PI4KA: variants seen among roughly 807,000 people sequenced by gnomAD.
PI4KA encodes the protein PI4-kinase alpha.
A neutral mutation model predicts 271.4 loss-of-function variants in PI4KA; 122 were observed. The observed-to-expected ratio is 0.45, with a 90% confidence interval of 0.39 to 0.52. The LOEUF is 0.52. PI4KA is among the 20% of genes least tolerant of loss of function. The pLI is 0.00. For synonymous variants in PI4KA, 1,041 were observed against 1,078.8 expected, an observed-to-expected ratio of 0.96 and a Z score of 0.69; for missense variants, 1,969 against 2,769.1, an observed-to-expected ratio of 0.71 and a Z score of 6.48.
chr22:20,723,572 C>T (rs1015332285), intron 42 of PI4KA, among the ~76,000 whole-genome samples: 2 of 143,920 alleles, frequency 1.4e-5, no homozygotes, highest in African/African-American at 5.1e-5. Context: ...GGCTCACGCC[C>T]GTAATCCCAG....
intron 45 of PI4KA, among the ~76,000 whole-genome samples, chr22:20,714,958 G>T (rs1925790369): frequency 6.6e-6 from 1 of 152,172 alleles, no homozygotes; most frequent in Non-Finnish European, 1.5e-5. Context: ...CTTCCTGGAG[G>T]AGCACTGAGC....
chr22:20,727,432 C>T, intron 40 of PI4KA, 35 bp from the exon 41 acceptor site: 1 of 1,563,350 alleles, frequency 6.4e-7, no homozygotes, highest in Admixed American at 1.9e-5. Flanking sequence ...GTGGCTTGGG[C>T]AGTCCCGGGA....
intron 19 of PI4KA, among the ~76,000 whole-genome samples, chr22:20,771,352 G>A (rs1391177546): frequency 6.6e-6 from 1 of 151,672 alleles, no homozygotes; most frequent in African/African-American, 2.4e-5. Context: ...GAACCCAGGA[G>A]GCGGAGCTTG....
At chr22:20,828,061 T>C (rs544402001) in intron 3 of PI4KA, among the ~76,000 whole-genome samples, 1 of 152,310 alleles carries the variant, frequency 6.6e-6, no homozygotes, top group African/African-American at 2.4e-5. Flanking sequence ...CCCAAAGTGC[T>C]GGGATTACAG....
chr22:20,779,685 C>A, intron 19 of PI4KA: 1 of 1,614,160 alleles, frequency 6.2e-7, no homozygotes, highest in Non-Finnish European at 8.5e-7. Flanking sequence ...CCGGATCCAG[C>A]GTCTTAACAT....
intron 32 of PI4KA, among the ~76,000 whole-genome samples, chr22:20,738,656 TGGA>T (rs1471867813): frequency 6.6e-6 from 1 of 151,750 alleles, no homozygotes; most frequent in East Asian, 1.9e-4. Context: ...TGTGAGTGGG[TGGA>T]GAAGCCTGAC....
chr22:20,778,824 A>C lies in PI4KA; in HGVS notation c.2329-13131T>G, dbSNP rs184165047. On this transcript the variant is annotated intron_variant, in intron 19 of 54. Coordinates refer to ENST00000255882, the MANE Select transcript of PI4KA (RefSeq NM_058004.4). ...CTCCTACCACACAGGGTAGAGCCAC[A>C]CCCCTTTCCGTACCCCCATGTGCTC... Among the ~76,000 whole-genome samples the C allele has an allele frequency of 1.7e-3, 256 of 151,762 alleles. 2 individuals carry two copies. Among genetic ancestry groups the C allele is most frequent in the African/African-American group, 5.9e-3 (246 of 41,348 alleles).
At chr22:20,751,238 C>G in intron 27 of PI4KA, 55 bp downstream of exon 27, 1 of 1,405,004 alleles carries the variant, frequency 7.1e-7, no homozygotes, top group Non-Finnish European at 1.0e-6. Flanking sequence ...CGTGGAAATA[C>G]TCAGGGAATT....
At chr22:20,854,874 G>A (rs568601733) in intron 1 of PI4KA, among the ~76,000 whole-genome samples, 42 of 152,290 alleles carry the variant, frequency 2.8e-4, no homozygotes, top group African/African-American at 8.4e-4. Flanking sequence ...AAACTTGGCC[G>A]GGCGTGGTGG....
chr22:20,858,419 C>G, intron 1 of PI4KA, 151 bp downstream of exon 1: 1 of 512,518 alleles, frequency 2.0e-6, no homozygotes, highest in Admixed American at 4.5e-5. Context: ...GGGCCTCCTT[C>G]CCCCGCTAGA....
Position 20,721,298 on chromosome 22 carries a change from G to C in PI4KA, c.5116C>G (p.Pro1706Ala), listed in dbSNP as rs144899078. Residue 1706 changes from proline to alanine, a missense_variant and splice_region_variant, in exon 43 of 55, where the codon CCT (proline) becomes GCT (alanine). Pro to Ala is a conservative substitution (Grantham distance 27). Coordinates refer to ENST00000255882, the MANE Select transcript of PI4KA (RefSeq NM_058004.4). ...GCCTGTGGGAGGACAAAATACTCAC[G>C]GTCTTTCTGGTGGCCCTCTTCATCT... ...YLDEEGHQKD[P>A]DIGDLLDQLV... 63 of 1,613,872 alleles carry C rather than the reference G, an allele frequency of 3.9e-5. No homozygotes were observed. The African/African-American group carries it at 7.6e-4, about 19-fold the overall frequency.
At chr22:20,740,053 C>A (rs9624716) in intron 32 of PI4KA, among the ~76,000 whole-genome samples, 3,768 of 120,840 alleles carry the variant, frequency 0.031, 181 homozygotes, top group African/African-American at 0.12. Flanking sequence ...CAGAGTGAGA[C>A]CCCATCTCAA....
intron 3 of PI4KA, among the ~76,000 whole-genome samples, chr22:20,829,016 T>C (rs558916283): frequency 5.3e-5 from 8 of 152,344 alleles, no homozygotes; most frequent in African/African-American, 1.9e-4. Flanking sequence ...GGATAAAGCC[T>C]ACTTGACCTG....
chr22:20,789,745 G>C (rs1934512046), intron 19 of PI4KA, among the ~76,000 whole-genome samples: 1 of 152,228 alleles, frequency 6.6e-6, no homozygotes, highest in Non-Finnish European at 1.5e-5. Context: ...GCCTTGGGTA[G>C]ATTGCTTCCA....
chr22:20,824,273 G>T, intron 4 of PI4KA, 53 bp downstream of exon 4: 1 of 1,086,034 alleles, frequency 9.2e-7, no homozygotes, highest in South Asian at 1.3e-5. Context: ...ATCACTTTGG[G>T]ACTCTATTCA....
intron 23 of PI4KA, among the ~76,000 whole-genome samples, chr22:20,759,402 CT>C (rs886192073): frequency 8.8e-4 from 91 of 102,884 alleles, no homozygotes; most frequent in African/African-American, 1.3e-3. Context: ...CTTTTCTTTT[CT>C]TTTTTTTTTT....
In PI4KA at chr22:20,820,526, A is replaced by C. The variant is rs1481306873; in HGVS notation, c.529+13T>G. On this transcript the variant is annotated intron_variant, in intron 5 of 54. Coordinates refer to ENST00000255882, the MANE Select transcript of PI4KA (RefSeq NM_058004.4). ...CAAAACCATTTTAAGAAAAACCTTA[A>C]GGATACTCGTACCTTTGTCTTGAAT... 5 of 1,568,348 alleles carry C rather than the reference A, an allele frequency of 3.2e-6. No homozygotes were observed. The highest frequency in any genetic ancestry group is 4.4e-6 in the Non-Finnish European group (5 of 1,146,004).
chr22:20,798,453 G>A (rs1601523014), intron 17 of PI4KA, 131 bp downstream of exon 17: 2 of 709,020 alleles, frequency 2.8e-6, no homozygotes, highest in East Asian at 2.5e-5. Flanking sequence ...CCCCCCTTAT[G>A]TGTGCACTGA....
At chr22:20,717,829 C>T (rs1317986376) in intron 44 of PI4KA, 51 bp from the exon 45 acceptor site, 6 of 1,371,902 alleles carry the variant, frequency 4.4e-6, no homozygotes, top group Non-Finnish European at 5.1e-6. Flanking sequence ...GAACTGGCTG[C>T]TGGGGGACAG....
Sources: gnomAD v4.1 joint callset for allele counts (sites outside exome capture counted in the v4.1 genomes callset) on GRCh38, gnomAD v4.1.1 for gene constraint, MANE v1.5 for transcripts, NCBI Gene and HGNC (gene_info 2026-07-23, HGNC 2026-07-21) for gene names.